Variants in VPS13B observed in about 807,000 individuals in gnomAD.
VPS13B encodes intermembrane lipid transfer protein VPS13B.
Under a neutral mutation model 426.4 loss-of-function variants are expected in VPS13B, and 285 were observed. That is an observed-to-expected ratio of 0.67 (90% CI 0.61 to 0.74). The LOEUF (loss-of-function observed/expected upper bound fraction) is 0.74. VPS13B is among the 30% of genes least tolerant of loss of function. The probability of loss-of-function intolerance (pLI) is 0.00; values close to 1 mark genes in which losing one functional copy is unlikely to be tolerated. For missense variants in VPS13B, 4,537 were observed against 4,782.6 expected (o/e 0.95, Z 1.51); for synonymous variants, 1,676 against 1,676.4 (o/e 1.00, Z 0.01).
rs551460373 is a variant in VPS13B at position 99,135,146 on chromosome 8, G to A, written c.1425+9G>A. 88 of 1,612,896 alleles carry A rather than the reference G, an allele frequency of 5.5e-5. 1 individual carries two copies. Among genetic ancestry groups the A allele is most frequent in the South Asian group, 4.5e-4 (41 of 91,044 alleles). On this transcript the variant is annotated intron_variant, in intron 10 of 61. Coordinates refer to ENST00000357162, the MANE Select transcript of VPS13B (RefSeq NM_152564.5). Reference sequence around the variant, plus strand: ...TGAATAGAAGTGAAACTGTAAGTCCGTTTCCTCCATCCTTTTTTGGATAGG... The same window carrying A: ...TGAATAGAAGTGAAACTGTAAGTCCATTTCCTCCATCCTTTTTTGGATAGG...
At chr8:99,102,755 G>T (rs1035519630) in intron 4 of VPS13B, among the ~76,000 whole-genome samples, 198 bp from the exon 5 acceptor site, 4 of 152,078 alleles carry the variant, frequency 2.6e-5, no homozygotes, top group African/African-American at 7.2e-5. Context: ...TGATAATGAC[G>T]TTTGTTGGGG....
At chr8:99,563,061 G>A (rs983141136) in intron 31 of VPS13B, among the ~76,000 whole-genome samples, 5 of 152,096 alleles carry the variant, frequency 3.3e-5, no homozygotes, top group African/African-American at 1.2e-4. Flanking sequence ...TTCTCTTGAG[G>A]CTGAAGCAGG....
At chr8:99,142,133 C>T (rs1588082788) in intron 12 of VPS13B, among the ~76,000 whole-genome samples, 1 of 152,082 alleles carries the variant, frequency 6.6e-6, no homozygotes, top group Non-Finnish European at 1.5e-5. Flanking sequence ...GAGCTGTACT[C>T]CTTTGCATGA....
chr8:99,598,662 G>A (rs919480301), intron 33 of VPS13B, among the ~76,000 whole-genome samples: 61 of 152,022 alleles, frequency 4.0e-4, no homozygotes, highest in African/African-American at 1.4e-3. Flanking sequence ...TTTGATCTCT[G>A]CACTACATAT....
intron 21 of VPS13B, among the ~76,000 whole-genome samples, chr8:99,396,375 A>G (rs1814727017): frequency 6.6e-6 from 1 of 152,080 alleles, no homozygotes; most frequent in African/African-American, 2.4e-5. Flanking sequence ...CTTTTTAAAA[A>G]TTGAAATTGC....
chr8:99,244,536 A>G (rs1042712200), intron 17 of VPS13B, among the ~76,000 whole-genome samples: 22 of 152,250 alleles, frequency 1.4e-4, no homozygotes, highest in Non-Finnish European at 3.1e-4. Flanking sequence ...GTTACAGAAC[A>G]AAAATTCGTA....
intron 16 of VPS13B, among the ~76,000 whole-genome samples, chr8:99,189,262 A>G (rs2132717711): frequency 6.6e-6 from 1 of 152,256 alleles, no homozygotes; most frequent in South Asian, 2.1e-4. Flanking sequence ...GTTCCCTTAT[A>G]TTCTTTTAAG....
intron 4 of VPS13B, among the ~76,000 whole-genome samples, chr8:99,098,844 C>A (rs1846574750): frequency 6.6e-6 from 1 of 151,978 alleles, no homozygotes; most frequent in South Asian, 2.1e-4. Context: ...TCCATCTTTA[C>A]CATTTTCTTT....
intron 31 of VPS13B, among the ~76,000 whole-genome samples, chr8:99,559,517 T>C (rs1824777189): frequency 6.6e-6 from 1 of 152,216 alleles, no homozygotes; most frequent in African/African-American, 2.4e-5. Context: ...CTAGGTTTTC[T>C]TCTAGGGTTT....
chr8:99,130,510 C>A (rs1809726552), intron 8 of VPS13B, among the ~76,000 whole-genome samples: 1 of 151,756 alleles, frequency 6.6e-6, no homozygotes, highest in South Asian at 2.1e-4. Flanking sequence ...GCCTCAGCCT[C>A]CCCAGTAGCT....
intron 43 of VPS13B, among the ~76,000 whole-genome samples, chr8:99,793,066 TG>T: frequency 6.7e-6 from 1 of 148,916 alleles, no homozygotes; most frequent in East Asian, 2.0e-4. Flanking sequence ...AAATTAGGCA[TG>T]GTGGTGCACA....
At chr8:99,375,478 T>C (rs1038957207) in intron 19 of VPS13B, among the ~76,000 whole-genome samples, 1 of 152,188 alleles carries the variant, frequency 6.6e-6, no homozygotes, top group Non-Finnish European at 1.5e-5. Flanking sequence ...CATACGCACA[T>C]ACCATACATG....
intron 23 of VPS13B, among the ~76,000 whole-genome samples, chr8:99,450,487 G>C (rs1208683667): frequency 6.6e-6 from 1 of 152,106 alleles, no homozygotes; most frequent in African/African-American, 2.4e-5. Context: ...GGCCAAGGTG[G>C]GCAGATCACA....
chr8:99,235,595 T>A (rs1261570169), intron 17 of VPS13B, among the ~76,000 whole-genome samples: 1 of 152,172 alleles, frequency 6.6e-6, no homozygotes, highest in Non-Finnish European at 1.5e-5. Context: ...AGTTTCTATT[T>A]TAATTAATAA....
At chr8:99,188,862 ATCT>A (rs1305003212) in intron 16 of VPS13B, among the ~76,000 whole-genome samples, 2 of 152,204 alleles carry the variant, frequency 1.3e-5, no homozygotes, top group African/African-American at 4.8e-5. Context: ...CCATTTGTAT[ATCT>A]TCTTTGTCAA....
intron 17 of VPS13B, among the ~76,000 whole-genome samples, chr8:99,205,978 G>A (rs1225864266): frequency 6.6e-6 from 1 of 152,062 alleles, no homozygotes; most frequent in East Asian, 1.9e-4. Flanking sequence ...AAATTATAAA[G>A]GATAAAGCAG....
In VPS13B at chr8:99,768,390, A is replaced by G. The variant is rs376604621; in HGVS notation, c.7247+1420A>G. 4.4e-4 allele frequency among the ~76,000 whole-genome samples: 67 copies of G among 152,310 alleles called. 1 individual carries two copies. Among genetic ancestry groups the G allele is most frequent in the African/African-American group, 1.5e-3 (63 of 41,582 alleles). ...TGCCCATATGTGTACACGCTTTTAC[A>G]AGGTTATAATCATAGCACACCACTT... On this transcript the variant is annotated intron_variant, in intron 40 of 61. Coordinates refer to ENST00000357162, the MANE Select transcript of VPS13B (RefSeq NM_152564.5).
intron 25 of VPS13B, among the ~76,000 whole-genome samples, chr8:99,494,932 GT>G (rs149517222): frequency 1.1e-3 from 165 of 147,004 alleles, no homozygotes; most frequent in African/African-American, 2.3e-3. Flanking sequence ...TTTTTATACT[GT>G]TTTTTTTTTC....
intron 33 of VPS13B, among the ~76,000 whole-genome samples, chr8:99,603,504 A>G (rs1185152151): frequency 6.6e-6 from 1 of 152,200 alleles, no homozygotes; most frequent in African/African-American, 2.4e-5. Context: ...TTATTAAAAT[A>G]AGGGTTACTT....
Sources: gnomAD v4.1 joint callset for allele counts (sites outside exome capture counted in the v4.1 genomes callset) on GRCh38, gnomAD v4.1.1 for gene constraint, MANE v1.5 for transcripts, NCBI Gene and HGNC (gene_info 2026-07-23, HGNC 2026-07-21) for gene names.